Variants in AMY2B observed in about 807,000 individuals in gnomAD.
AMY2B encodes the protein amylase alpha 2B, also known as alpha-amylase 2B.
In AMY2B, 63 loss-of-function variants were observed where a neutral mutation model predicts 59.3. The ratio of observed to expected loss-of-function variants is 1.06; its 90% CI spans 0.87 to 1.31. The LOEUF (loss-of-function observed/expected upper bound fraction) is 1.31. Among genes scored for constraint, AMY2B ranks in the 50% most tolerant of loss-of-function variants. AMY2B has a pLI of 0.00. For synonymous variants in AMY2B, 180 were observed against 198.1 expected (o/e 0.91, Z 0.77); for missense variants, 635 against 626.7 (o/e 1.01, Z -0.14).
chr1:103,574,231 A>G (rs745356874), intron 4 of AMY2B, 29 bp from the exon 5 acceptor site: 2 of 1,611,670 alleles, frequency 1.2e-6, no homozygotes, highest in South Asian at 2.2e-5. Flanking sequence ...CCTTATGCAA[A>G]ATGTTACTTT....
At chr1:103,572,037 A>G in intron 1 of AMY2B, 73 bp from the exon 2 acceptor site, 3 of 1,597,518 alleles carry the variant, frequency 1.9e-6, no homozygotes, top group Middle Eastern at 2.3e-4. Context: ...TTTTTATATT[A>G]TTGATTAGTT....
At chr1:103,563,537 G>T (rs74410152) in intron 1 of AMY2B, among the ~76,000 whole-genome samples, 23 of 152,086 alleles carry the variant, frequency 1.5e-4, no homozygotes, top group African/African-American at 5.1e-4. Context: ...TTCTCCTATG[G>T]GGTATATAGC....
chr1:103,572,279 G>T (rs751991779), intron 2 of AMY2B, 23 bp downstream of exon 2: 57 of 1,603,854 alleles, frequency 3.6e-5, no homozygotes, highest in Middle Eastern at 4.5e-4. Flanking sequence ...TAGTTTCCTT[G>T]AAAAATAACA....
At chr1:103,557,704 C>T (rs1285848897) in intron 1 of AMY2B, among the ~76,000 whole-genome samples, 3 of 151,364 alleles carry the variant, frequency 2.0e-5, no homozygotes, top group Non-Finnish European at 4.4e-5. Context: ...TATAAAATAG[C>T]ACTTAATATG....
At chr1:103,561,214 A>T (rs764196900) in intron 1 of AMY2B, among the ~76,000 whole-genome samples, 1 of 152,204 alleles carries the variant, frequency 6.6e-6, no homozygotes, top group African/African-American at 2.4e-5. Flanking sequence ...ACAGAAAAAA[A>T]TGTACATGGT....
At chr1:103,562,975 C>T (rs774045300) in intron 1 of AMY2B, among the ~76,000 whole-genome samples, 6 of 151,842 alleles carry the variant, frequency 4.0e-5, no homozygotes, top group Non-Finnish European at 7.4e-5. Flanking sequence ...ACACTAGAGC[C>T]GTTTCCCTAT....
intron 1 of AMY2B, among the ~76,000 whole-genome samples, chr1:103,555,887 A>G (rs926943737): frequency 1.3e-5 from 2 of 152,120 alleles, no homozygotes; most frequent in African/African-American, 2.4e-5. Flanking sequence ...AGAGAGAAAA[A>G]ACATAATGCC....
chr1:103,557,971 A>C (rs1651612760), intron 1 of AMY2B, among the ~76,000 whole-genome samples: 2 of 152,184 alleles, frequency 1.3e-5, no homozygotes, highest in Non-Finnish European at 2.9e-5. Context: ...TATATATTTA[A>C]ACTCGCATTT....
chr1:103,570,292 A>C (rs1166997882), upstream of AMY2B: 2 of 585,948 alleles, frequency 3.4e-6, no homozygotes, highest in Non-Finnish European at 6.7e-6. Context: ...TGGCCATGTC[A>C]TCACCATCGG....
chr1:103,575,582 C>T (rs1187195427), intron 7 of AMY2B, 42 bp downstream of exon 7: 1 of 1,607,974 alleles, frequency 6.2e-7, no homozygotes, highest in Admixed American at 1.7e-5. Context: ...TCTCAAGAAA[C>T]AGAAGGCAAT....
chr1:103,573,232 A>T lies in AMY2B; in HGVS notation c.485A>T (p.Asp162Val). The T allele has an allele frequency of 6.2e-7, 1 of 1,613,658 alleles. No individual in the cohort carries two copies. The highest frequency in any genetic ancestry group is 8.5e-7 in the Non-Finnish European group (1 of 1,179,648). ...NDGKCKTGSG[D>V]IENYNDATQV... is the part of the protein sequence containing the mutation. ...GGTAAATGTAAAACTGGAAGTGGAGATATCGAGAACTACAATGATGCTACT... is the reference window on the plus strand; with the variant it reads ...GGTAAATGTAAAACTGGAAGTGGAGTTATCGAGAACTACAATGATGCTACT... Residue 162 changes from aspartate (D) to valine (V), a missense_variant, in exon 3 of 10, where the codon GAT becomes GTT. Asp to Val is a radical substitution (Grantham distance 152, BLOSUM62 -3). Coordinates refer to ENST00000684275, the MANE Select transcript of AMY2B (RefSeq NM_001387437.1).
upstream of AMY2B, chr1:103,571,082 C>G: frequency 3.7e-6 from 3 of 811,900 alleles, no homozygotes; most frequent in Non-Finnish European, 4.7e-6. Context: ...GGCTCCTTAA[C>G]CAGTTGTTTC....
chr1:103,570,805 T>C, upstream of AMY2B: 1 of 450,146 alleles, frequency 2.2e-6, no homozygotes, highest in African/African-American at 2.0e-5. Flanking sequence ...TAAGTTGTCT[T>C]TAAAGCTTGT....
rs759212934 is a variant in AMY2B, at chr1:103,575,338, G to T, written c.994G>T (p.Asp332Tyr). The change falls in exon 6 of 10, where the codon GAT (aspartate) becomes TAT (tyrosine). Residue 332 changes from aspartate (D) to tyrosine (Y), a missense_variant. Transcript: ENST00000684275. Reference protein sequence around the residue: ...AGGASILTFWDARLYKMAVGF... With the variant: ...AGGASILTFWYARLYKMAVGF... ...AGGAGCCTCTATTCTTACCTTCTGG[G>T]ATGCTAGGTAGAAAACCAAGTTCTC... 2 of 1,613,438 alleles carry T rather than the reference G, an allele frequency of 1.2e-6. No homozygotes were observed. Among genetic ancestry groups the T allele is most frequent in the Non-Finnish European group, 1.7e-6 (2 of 1,179,652 alleles).
In AMY2B at chr1:103,574,265, T is replaced by C; in HGVS notation, c.750T>C (p.Ile250=). 1 of 1,611,810 alleles carries C rather than the reference T, an allele frequency of 6.2e-7. No individual in the cohort carries two copies. The highest frequency in any genetic ancestry group is 8.5e-7 in the Non-Finnish European group (1 of 1,179,696). The change falls in exon 5 of 10, where the codon ATT becomes ATC. Residue 250 remains isoleucine, a synonymous_variant. Transcript: ENST00000684275. ...TTTTCCTAATTTTCTACTAGGTAAT[T>C]GATCTGGGTGGTGAGCCAATTAAAA... ...GSKPFIYQEV[I]DLGGEPIKSS...
intron 7 of AMY2B, 109 bp from the exon 8 acceptor site, chr1:103,577,381 T>C (rs2101079447): frequency 6.3e-7 from 1 of 1,576,248 alleles, no homozygotes. Flanking sequence ...CTAGATAAAG[T>C]CATTGAATGC....
chr1:103,566,072 T>C (rs975544280), intron 2 of AMY2B, among the ~76,000 whole-genome samples: 3 of 152,182 alleles, frequency 2.0e-5, no homozygotes, highest in Non-Finnish European at 2.9e-5. Flanking sequence ...TAAAACACTG[T>C]ATTGACTTCT....
chr1:103,557,658 AG>A (rs1433024061), intron 1 of AMY2B, among the ~76,000 whole-genome samples: 1 of 151,926 alleles, frequency 6.6e-6, no homozygotes, highest in African/African-American at 2.4e-5. Flanking sequence ...AAAAAAAAAA[AG>A]TATTTTACAT....
intron 7 of AMY2B, 61 bp downstream of exon 7, chr1:103,575,601 A>G: frequency 1.9e-6 from 3 of 1,596,212 alleles, no homozygotes; most frequent in Non-Finnish European, 2.6e-6. Flanking sequence ...ATCTTGTTCT[A>G]ACTTAATATG....
Sources: allele counts gnomAD v4.1 joint callset (sites outside exome capture counted in the v4.1 genomes callset), GRCh38; gene constraint gnomAD v4.1.1; transcripts MANE v1.5; gene names NCBI Gene and HGNC (gene_info 2026-07-23, HGNC 2026-07-21).